PCDHGA7: variants seen among roughly 807,000 people sequenced by gnomAD.
PCDHGA7 encodes protocadherin gamma-A7.
A neutral mutation model predicts 58.3 loss-of-function variants in PCDHGA7; 44 were observed. The observed-to-expected ratio is 0.75, with a 90% confidence interval of 0.59 to 0.97. The LOEUF (loss-of-function observed/expected upper bound fraction) is 0.97. Ranked by LOEUF, PCDHGA7 falls within the 50% of genes least tolerant of loss-of-function variation. The probability of loss-of-function intolerance (pLI) is 0.00; values close to 1 mark genes in which losing one functional copy is unlikely to be tolerated. For synonymous variants in PCDHGA7, 516 were observed against 504.2 expected (o/e 1.02, Z -0.31); for missense variants, 1,266 against 1,188.7 (o/e 1.06, Z -0.96).
chr5:141,497,187 G>T (rs1475463841), intron 2 of PCDHGA7, among the ~76,000 whole-genome samples: 2 of 139,586 alleles, frequency 1.4e-5, no homozygotes, highest in Non-Finnish European at 3.0e-5. Flanking sequence ...GTTCTGAGAG[G>T]CAGAGAACAA....
rs370612007 is a variant in PCDHGA7 at position 141,383,069 on chromosome 5, G to C, written c.170G>C (p.Arg57Pro). 5 of 1,613,768 alleles carry C rather than the reference G, an allele frequency of 3.1e-6. No individual in the cohort carries two copies. Among genetic ancestry groups the C allele is most frequent in the Non-Finnish European group, 3.4e-6 (4 of 1,179,910 alleles). Reference protein sequence around the residue: ...DIAKDLGLEPRELAERGVRII... With the variant: ...DIAKDLGLEPPELAERGVRII... ...GCCAAGGACCTGGGGCTGGAGCCCC[G>C]GGAGCTGGCGGAGCGCGGAGTCCGC... The change falls in exon 1 of 4, where the codon CGG becomes CCG. Residue 57 changes from arginine to proline, a missense_variant. Physicochemically the swap from Arg to Pro is moderately radical, Grantham distance 103 (BLOSUM62 -2). Coordinates refer to ENST00000518325, the MANE Select transcript of PCDHGA7 (RefSeq NM_018920.4).
intron 1 of PCDHGA7, chr5:141,426,927 A>G (rs1480193041): frequency 2.2e-6 from 1 of 456,634 alleles, no homozygotes; most frequent in African/African-American, 2.0e-5. Flanking sequence ...AGCAATGGAC[A>G]TGGGTGACCC....
chr5:141,405,215 C>T, intron 1 of PCDHGA7: 1 of 1,614,078 alleles, frequency 6.2e-7, no homozygotes, highest in Non-Finnish European at 8.5e-7. Flanking sequence ...GACCTATTCT[C>T]AGGAGTTCTC....
In PCDHGA7 at chr5:141,476,718, C is replaced by T; in HGVS notation, c.2425-18089C>T. On this transcript the variant is annotated intron_variant, in intron 1 of 3. Transcript: ENST00000518325. The surrounding 1 kb of genome is among the most constrained non-coding windows in gnomAD (Gnocchi z 7.6). ...TACGCGGAGCTGGTGTTGGAGCGCG[C>T]CCTGGACCGAGAACGGGAGCCTAGT... The T allele has an allele frequency of 1.2e-6, 2 of 1,614,144 alleles. No individual in the cohort carries two copies. The highest frequency in any genetic ancestry group is 2.2e-5 in the East Asian group (1 of 44,874).
intron 1 of PCDHGA7, chr5:141,390,523 G>C: frequency 1.8e-6 from 1 of 556,304 alleles, no homozygotes; most frequent in Non-Finnish European, 3.1e-6. Context: ...AGCAATGAGG[G>C]TGTGGTTTTA....
chr5:141,418,589 C>G lies in PCDHGA7; in HGVS notation c.2424+33266C>G, dbSNP rs184213052. ...CAATGACAACCCCCCAGTGTTCAGC[C>G]AGGACGTGTACAGGGTTAGCCTTCG... On this transcript the variant is annotated intron_variant, in intron 1 of 3. Transcript: ENST00000518325. 5.5e-4 allele frequency: 884 copies of G among 1,614,012 alleles called. 4 individuals carry two copies. Among genetic ancestry groups the G allele is most frequent in the South Asian group, 4.0e-3 (361 of 91,086 alleles).
At position 141,384,690 on chromosome 5, in the gene PCDHGA7, T is replaced by C. The variant is rs368242169; in HGVS notation, c.1791T>C (p.Asp597=). ...CCAAGGTGGTGGCGGTGGACAAAGATTCAGGCCAGAACGCCTGGCTGTCAT... is the reference window on the plus strand; with the variant it reads ...CCAAGGTGGTGGCGGTGGACAAAGACTCAGGCCAGAACGCCTGGCTGTCAT... The part of the protein sequence containing the change: ...LVTKVVAVDK[D]SGQNAWLSYL... The change falls in exon 1 of 4, where the codon GAT becomes GAC. Residue 597 remains aspartate (D), a synonymous_variant. Coordinates refer to ENST00000518325, the MANE Select transcript of PCDHGA7 (RefSeq NM_018920.4). 76 of 1,613,884 alleles carry C rather than the reference T, an allele frequency of 4.7e-5. No individual in the cohort carries two copies. Among genetic ancestry groups the C allele is most frequent in the Non-Finnish European group, 5.9e-5 (70 of 1,179,972 alleles).
rs547854431 is a variant in PCDHGA7, at chr5:141,476,383, C to A, written c.2425-18424C>A. 1.2e-6 allele frequency: 2 copies of A among 1,614,102 alleles called. No homozygotes were observed. Among genetic ancestry groups the A allele is most frequent in the African/African-American group, 1.3e-5 (1 of 75,014 alleles). On this transcript the variant is annotated intron_variant, in intron 1 of 3. Transcript: ENST00000518325. The surrounding 1 kb of genome is among the most constrained non-coding windows in gnomAD (Gnocchi z 7.6). ...GGGAGACCGGAGAGATGTTTGTGAA[C>A]GACCGTCTGGATCGAGAGGAGCTGT...
chr5:141,420,519 A>G (rs1056198647), intron 1 of PCDHGA7: 1 of 387,066 alleles, frequency 2.6e-6, no homozygotes, highest in African/African-American at 2.1e-5. Flanking sequence ...GAAGTAAAAT[A>G]CCTTTCGGTT....
intron 1 of PCDHGA7, among the ~76,000 whole-genome samples, chr5:141,470,888 T>C (rs2099243463): frequency 6.6e-6 from 1 of 151,912 alleles, no homozygotes; most frequent in Non-Finnish European, 1.5e-5. Context: ...GTTTTTGTTT[T>C]TGTTTTTTGT....
intron 1 of PCDHGA7, among the ~76,000 whole-genome samples, chr5:141,456,745 A>T (rs573105679): frequency 6.6e-6 from 1 of 151,920 alleles, no homozygotes; most frequent in South Asian, 2.1e-4. Context: ...CGGGAGCATC[A>T]TGAGGTCAGG....
chr5:141,427,638 C>A, intron 1 of PCDHGA7: 1 of 708,528 alleles, frequency 1.4e-6, no homozygotes, highest in East Asian at 2.7e-5. Context: ...GGTTTTCCAC[C>A]AAGTCTCCTA....
intron 1 of PCDHGA7, chr5:141,408,742 A>G: frequency 6.2e-7 from 1 of 1,610,074 alleles, no homozygotes; most frequent in Non-Finnish European, 8.5e-7. Flanking sequence ...ATTTTTCATT[A>G]ATGGTTAGAG....
rs1314264090 is a variant in PCDHGA7, at chr5:141,490,459, C to T, written c.2425-4348C>T. 7 of 1,614,100 alleles carry T rather than the reference C, an allele frequency of 4.3e-6. No homozygotes were observed. Among genetic ancestry groups the T allele is most frequent in the Non-Finnish European group, 5.9e-6 (7 of 1,180,040 alleles). ...GCCTTCTGAGAACCACTACTCGCTG[C>T]TAACCAGCCAGCCTTTGGACCGGGA... On this transcript the variant is annotated intron_variant, in intron 1 of 3. Coordinates refer to ENST00000518325, the MANE Select transcript of PCDHGA7 (RefSeq NM_018920.4). The surrounding 1 kb of genome is among the most constrained non-coding windows in gnomAD (Gnocchi z 5.4).
At chr5:141,394,568 C>T (rs373695437) in intron 1 of PCDHGA7, 2 of 1,614,072 alleles carry the variant, frequency 1.2e-6, no homozygotes, top group African/African-American at 2.7e-5. Context: ...CAGAGCGTGG[C>T]TACCTGGTGA....
chr5:141,418,509 G>A, intron 1 of PCDHGA7: 1 of 1,613,986 alleles, frequency 6.2e-7, no homozygotes. Context: ...GCCTTAGATG[G>A]TGGGGACCCT....
intron 1 of PCDHGA7, chr5:141,418,639 C>T (rs2096276711): frequency 6.2e-7 from 1 of 1,614,014 alleles, no homozygotes; most frequent in Non-Finnish European, 8.5e-7. Flanking sequence ...CAGGCACCTC[C>T]ATCCTGAGAG....
At chr5:141,424,682 C>A (rs1421088073) in intron 1 of PCDHGA7, 1 of 152,062 alleles carries the variant, frequency 6.6e-6, no homozygotes, top group Non-Finnish European at 1.5e-5. Flanking sequence ...AGCTAGTATC[C>A]TTCTGGCTAT....
intron 1 of PCDHGA7, chr5:141,398,523 A>T (rs988295276): frequency 6.2e-7 from 1 of 1,613,602 alleles, no homozygotes; most frequent in Non-Finnish European, 8.5e-7. Context: ...ACACGCCAAA[A>T]TTCACGCAAA....
Sources: gnomAD v4.1 joint callset for allele counts (sites outside exome capture counted in the v4.1 genomes callset) on GRCh38, gnomAD v4.1.1 for gene constraint, Gnocchi (gnomAD v3.1) non-coding constraint, MANE v1.5 for transcripts, NCBI Gene and HGNC (gene_info 2026-07-23, HGNC 2026-07-21) for gene names.